The following LRRC15 variants were observed in gnomAD, a reference collection of about 807,000 sequenced individuals.
The protein encoded by LRRC15 is leucine rich repeat containing 15.
Under a neutral mutation model 4.3 loss-of-function variants are expected in LRRC15, and 5 were observed. That is an observed-to-expected ratio of 1.16 (90% CI 0.61 to 2.44). The LOEUF (loss-of-function observed/expected upper bound fraction) is 2.44, where lower values mean the gene tolerates loss of function less well. Among genes scored for constraint, LRRC15 ranks in the 30% most tolerant of loss-of-function variants. The probability of loss-of-function intolerance (pLI) is 0.01; values close to 1 mark genes in which losing one functional copy is unlikely to be tolerated. For missense variants in LRRC15, 769 were observed against 747.0 expected, an observed-to-expected ratio of 1.03 and a Z score of -0.34; for synonymous variants, 337 against 323.2, an observed-to-expected ratio of 1.04 and a Z score of -0.46.
rs985904536 is a variant in LRRC15 at position 194,360,852 on chromosome 3, G to A, written c.192C>T (p.His64=). 4 of 1,612,044 alleles carry A rather than the reference G, an allele frequency of 2.5e-6. No homozygotes were observed. The highest frequency in any genetic ancestry group is 1.7e-4 in the Middle Eastern group (1 of 6,054). Residue 64 remains histidine (H), a synonymous_variant, in exon 2 of 2, where the codon CAC becomes CAT. Coordinates refer to ENST00000347624, the MANE Select transcript of LRRC15 (RefSeq NM_130830.5). Reference sequence around the variant, plus strand: ...ACGGGGACTCATTGAGTTCAGTGATGTGCGTGTTGAGGATCTGCAGGCTCA... The same window carrying A: ...ACGGGGACTCATTGAGTTCAGTGATATGCGTGTTGAGGATCTGCAGGCTCA... ...NAMSLQILNT[H]ITELNESPFL...
In LRRC15 at chr3:194,360,124, G is replaced by C. The variant is rs772531235; in HGVS notation, c.920C>G (p.Ser307Cys). ...GTTGCTGAAGACATTGTCGGGTAGAGAAGAGATGTGGTTGTCATAGAGCCA... is the reference window on the plus strand; with the variant it reads ...GTTGCTGAAGACATTGTCGGGTAGACAAGAGATGTGGTTGTCATAGAGCCA... Reference protein sequence around the residue: ...ELWLYDNHISSLPDNVFSNLR... With the variant: ...ELWLYDNHISCLPDNVFSNLR... The change falls in exon 2 of 2, where the codon TCT (serine) becomes TGT (cysteine). Residue 307 changes from serine (S) to cysteine (C), a missense_variant. Ser to Cys is a moderately radical substitution (Grantham distance 112). Transcript: ENST00000347624. 3 of 1,614,254 alleles carry C rather than the reference G, an allele frequency of 1.9e-6. No individual in the cohort carries two copies. The highest frequency in any genetic ancestry group is 2.5e-6 in the Non-Finnish European group (3 of 1,180,048).
rs566355892 is a variant in LRRC15 at position 194,356,346 on chromosome 3, G to T, written c.*2952C>A. 1 of 152,312 alleles carries T rather than the reference G, an allele frequency of 6.6e-6. No individual in the cohort carries two copies. Among genetic ancestry groups the T allele is most frequent in the East Asian group, 1.9e-4 (1 of 5,190 alleles). 9.4% of individuals were successfully genotyped at this position (152,312 alleles called of 1,614,324 possible). ...TCCAGATGGGCGTGGGACTGTCAAG[G>T]AGCTGTAAACAGAGAGGAAAACTGA... On this transcript the variant is annotated 3_prime_UTR_variant, in exon 2 of 2. Transcript: ENST00000347624.
intron 1 of LRRC15, among the ~76,000 whole-genome samples, chr3:194,363,043 G>A (rs1411170278): frequency 4.7e-5 from 7 of 150,422 alleles, no homozygotes; most frequent in African/African-American, 7.3e-5. Flanking sequence ...CCAGGTTCAA[G>A]GGATTCTCCT....
At chr3:194,366,829 T>G (rs578190850) in intron 1 of LRRC15, among the ~76,000 whole-genome samples, 7 of 45,580 alleles carry the variant, frequency 1.5e-4, no homozygotes, top group African/African-American at 1.4e-3. Context: ...GCTGAGGGGG[T>G]CCCCAGGGAG....
rs200303081 is a variant in LRRC15, at chr3:194,359,464, C to T, written c.1580G>A (p.Arg527His). ...DLTTIQVTDDRSVWGMTQAQS... is the reference protein window; with the variant it reads ...DLTTIQVTDDHSVWGMTQAQS... ...GGCCTGGGTCATGCCCCAAACGCTGCGGTCATCAGTGACCTGAATGGTAGT... is the reference window on the plus strand; with the variant it reads ...GGCCTGGGTCATGCCCCAAACGCTGTGGTCATCAGTGACCTGAATGGTAGT... Residue 527 changes from arginine (R) to histidine (H), a missense_variant, in exon 2 of 2, where the codon CGC (arginine) becomes CAC (histidine). Coordinates refer to ENST00000347624, the MANE Select transcript of LRRC15 (RefSeq NM_130830.5). 35 of 1,614,096 alleles carry T rather than the reference C, an allele frequency of 2.2e-5. No homozygotes were observed. Among genetic ancestry groups the T allele is most frequent in the African/African-American group, 2.7e-5 (2 of 74,944 alleles).
intron 1 of LRRC15, among the ~76,000 whole-genome samples, chr3:194,366,592 G>C (rs1165507105): frequency 6.6e-6 from 1 of 152,160 alleles, no homozygotes; most frequent in Non-Finnish European, 1.5e-5. Flanking sequence ...AGAGGACCCG[G>C]GATGGGGGAG....
intron 1 of LRRC15, among the ~76,000 whole-genome samples, chr3:194,365,596 G>A (rs562290553): frequency 1.2e-4 from 19 of 152,188 alleles, no homozygotes; most frequent in African/African-American, 3.6e-4. Flanking sequence ...CAGTAAAGAC[G>A]TCCAAGGGCC....
chr3:194,364,411 C>T (rs1254533459), intron 1 of LRRC15, among the ~76,000 whole-genome samples: 1 of 152,162 alleles, frequency 6.6e-6, no homozygotes, highest in Non-Finnish European at 1.5e-5. Context: ...AATGTACACT[C>T]ATATACCCAG....
chr3:194,360,422 T>C lies in LRRC15; in HGVS notation c.622A>G (p.Arg208Gly). ...GTGCCCATGGGGATATCCGTGAGCC[T>C]GTTCTCATACAGCCGGAGGACCTGG... ...NLQVLRLYEN[R>G]LTDIPMGTFD... Residue 208 changes from arginine (R) to glycine (G), a missense_variant, in exon 2 of 2, where the codon AGG (arginine) becomes GGG (glycine). By Grantham distance (125) the Arg-to-Gly change is moderately radical (BLOSUM62 -2). Coordinates refer to ENST00000347624, the MANE Select transcript of LRRC15 (RefSeq NM_130830.5). The C allele has an allele frequency of 6.2e-7, 1 of 1,614,180 alleles. No homozygotes were observed. The highest frequency in any genetic ancestry group is 8.5e-7 in the Non-Finnish European group (1 of 1,180,034).
chr3:194,359,850 G>T lies in LRRC15; in HGVS notation c.1194C>A (p.Asn398Lys), dbSNP rs750917748. 3 of 1,614,134 alleles carry T rather than the reference G, an allele frequency of 1.9e-6. No homozygotes were observed. Among genetic ancestry groups the T allele is most frequent in the South Asian group, 2.2e-5 (2 of 91,070 alleles). ...VNGLMAIQLQ[N>K]NQLENLPLGI... ...CGAGGGGCAAGTTCTCCAGCTGGTTGTTCTGCAGCTGGATGGCCATGAGGC... is the reference window on the plus strand; with the variant it reads ...CGAGGGGCAAGTTCTCCAGCTGGTTTTTCTGCAGCTGGATGGCCATGAGGC... The change falls in exon 2 of 2, where the codon AAC becomes AAA. Residue 398 changes from asparagine to lysine, a missense_variant. Asn to Lys is a moderately conservative substitution (Grantham distance 94, BLOSUM62 0). Coordinates refer to ENST00000347624, the MANE Select transcript of LRRC15 (RefSeq NM_130830.5).
At chr3:194,361,189 G>T in intron 1 of LRRC15, 143 bp from the exon 2 acceptor site, 2 of 693,320 alleles carry the variant, frequency 2.9e-6, no homozygotes, top group Non-Finnish European at 4.5e-6. Flanking sequence ...TCTCTGCTCT[G>T]AACAGGAAGC....
intron 1 of LRRC15, among the ~76,000 whole-genome samples, chr3:194,366,887 C>A (rs1021162270): frequency 1.3e-5 from 2 of 152,168 alleles, no homozygotes; most frequent in Admixed American, 6.5e-5. Context: ...TCCTGACACC[C>A]GATCAGGGCC....
In LRRC15 at chr3:194,360,955, G is replaced by C. The variant is rs1396918827; in HGVS notation, c.89C>G (p.Thr30Ser). 1.3e-6 allele frequency: 2 copies of C among 1,584,340 alleles called. No homozygotes were observed. The highest frequency in any genetic ancestry group is 1.7e-6 in the Non-Finnish European group (2 of 1,168,254). Residue 30 changes from threonine (T) to serine (S), a missense_variant, in exon 2 of 2, where the codon ACC becomes AGC. By Grantham distance (58) the Thr-to-Ser change is moderately conservative. Coordinates refer to ENST00000347624, the MANE Select transcript of LRRC15 (RefSeq NM_130830.5). ...CTCCACCTGGGAGGCCCTGGAGCAGGTACACTCGCTAGGGCAGCCATGGTA... is the reference window on the plus strand; with the variant it reads ...CTCCACCTGGGAGGCCCTGGAGCAGCTACACTCGCTAGGGCAGCCATGGTA... ...LAYHGCPSECTCSRASQVECT... is the reference protein window; with the variant it reads ...LAYHGCPSECSCSRASQVECT...
intron 1 of LRRC15, among the ~76,000 whole-genome samples, chr3:194,367,602 G>A (rs547156317): frequency 2.6e-5 from 4 of 152,208 alleles, no homozygotes; most frequent in Admixed American, 1.3e-4. Flanking sequence ...CACCGCGCCC[G>A]GCCAGTGTGT....
rs147935041 is a variant in LRRC15 at position 194,358,975 on chromosome 3, G to A, written c.*323C>T. 3.3e-5 allele frequency: 8 copies of A among 244,340 alleles called. No homozygotes were observed. Among genetic ancestry groups the A allele is most frequent in the African/African-American group, 1.1e-4 (5 of 44,772 alleles). The allele number at this position is 244,340 out of a possible 1,614,324, so 15.1% of individuals were successfully genotyped here. On this transcript the variant is annotated 3_prime_UTR_variant, in exon 2 of 2. Coordinates refer to ENST00000347624, the MANE Select transcript of LRRC15 (RefSeq NM_130830.5). Reference sequence around the variant, plus strand: ...ACAGAGGCCCGGAGGGGGCCTGGGCGCAGGGAAGGCTGTTCTTGGAGGACA... The same window carrying A: ...ACAGAGGCCCGGAGGGGGCCTGGGCACAGGGAAGGCTGTTCTTGGAGGACA...
intron 1 of LRRC15, among the ~76,000 whole-genome samples, chr3:194,367,604 C>A (rs1194918278): frequency 6.6e-6 from 1 of 152,234 alleles, no homozygotes; most frequent in Non-Finnish European, 1.5e-5. Flanking sequence ...CCGCGCCCGG[C>A]CAGTGTGTGG....
chr3:194,362,981 C>T (rs1378104144), intron 1 of LRRC15, among the ~76,000 whole-genome samples: 1 of 147,658 alleles, frequency 6.8e-6, no homozygotes, highest in East Asian at 2.0e-4. Context: ...TCGCTCTGTC[C>T]CCCAGGCTGG....
intron 1 of LRRC15, chr3:194,363,323 A>G: frequency 1.4e-6 from 1 of 707,754 alleles, no homozygotes; most frequent in East Asian, 2.7e-5. Flanking sequence ...CTAAGCATAT[A>G]GAACAATGGA....
chr3:194,366,150 G>A (rs963434274), intron 1 of LRRC15, among the ~76,000 whole-genome samples: 1 of 152,202 alleles, frequency 6.6e-6, no homozygotes, highest in African/African-American at 2.4e-5. Context: ...CTGCCTGAGA[G>A]GCTTGGCCTG....
Sources: allele counts gnomAD v4.1 joint callset (sites outside exome capture counted in the v4.1 genomes callset), GRCh38; gene constraint gnomAD v4.1.1; transcripts MANE v1.5; gene names NCBI Gene and HGNC (gene_info 2026-07-23, HGNC 2026-07-21).